Variants in ASCC3 observed in about 807,000 individuals in gnomAD.
ASCC3 encodes activating signal cointegrator 1 complex subunit 3.
In ASCC3, 158 loss-of-function variants were observed where a neutral mutation model predicts 256.3. The observed-to-expected ratio is 0.62, with a 90% CI of 0.54 to 0.70. ASCC3 has a LOEUF of 0.70. Ranked by LOEUF, ASCC3 falls within the 30% of genes least tolerant of loss-of-function variation. ASCC3 has a pLI of 0.00. For synonymous variants in ASCC3, 948 were observed against 883.4 expected (o/e 1.07, Z -1.30); for missense variants, 2,259 against 2,626.0 (o/e 0.86, Z 3.05).
intron 37 of ASCC3, among the ~76,000 whole-genome samples, chr6:100,523,082 A>G (rs1183143394): frequency 6.6e-6 from 1 of 150,892 alleles, no homozygotes; most frequent in Non-Finnish European, 1.5e-5. Flanking sequence ...AAGTATAATC[A>G]GTAGTATGAT....
intron 10 of ASCC3, among the ~76,000 whole-genome samples, chr6:100,762,108 C>G (rs1452399090): frequency 1.3e-5 from 2 of 152,142 alleles, no homozygotes; most frequent in African/African-American, 4.8e-5. Flanking sequence ...AAAGAAAATT[C>G]AGATTTGCCT....
chr6:100,548,965 T>A (rs2114680507), intron 36 of ASCC3, among the ~76,000 whole-genome samples: 1 of 152,020 alleles, frequency 6.6e-6, no homozygotes, highest in South Asian at 2.1e-4. Context: ...TGAACAACAA[T>A]AACTAATAAT....
At chr6:100,875,809 A>G (rs1251746789) in intron 1 of ASCC3, among the ~76,000 whole-genome samples, 4 of 152,180 alleles carry the variant, frequency 2.6e-5, no homozygotes, top group Non-Finnish European at 5.9e-5. Flanking sequence ...AAATGGTAGA[A>G]GCTAAATCTC....
At position 100,578,847 on chromosome 6, in the gene ASCC3, T is replaced by C. The variant is rs1045294728; in HGVS notation, c.5550+10787A>G. Among the ~76,000 whole-genome samples the C allele has an allele frequency of 5.9e-5, 9 of 152,140 alleles. No individual in the cohort carries two copies. The East Asian group carries it at 1.2e-3, about 19-fold the overall frequency. On this transcript the variant is annotated intron_variant, in intron 36 of 41. Coordinates refer to ENST00000369162, the MANE Select transcript of ASCC3 (RefSeq NM_006828.4). ...GTTCTTTGAGAAATCGACACACTGC[T>C]TTCCACAATGGCTGAACTAATTTAC...
intron 37 of ASCC3, among the ~76,000 whole-genome samples, chr6:100,527,834 T>G (rs993766057): frequency 2.6e-4 from 38 of 145,612 alleles, no homozygotes; most frequent in East Asian, 1.4e-3. Context: ...ATCTTCTTTG[T>G]TTTTTTTTTT....
chr6:100,820,730 GTATC>G (rs1770999626), intron 4 of ASCC3, among the ~76,000 whole-genome samples: 1 of 151,528 alleles, frequency 6.6e-6, no homozygotes, highest in Admixed American at 6.6e-5. Flanking sequence ...AAAAAATCAT[GTATC>G]TATCTGATAA....
intron 36 of ASCC3, among the ~76,000 whole-genome samples, chr6:100,580,716 A>G (rs928792016): frequency 4.0e-5 from 6 of 149,146 alleles, no homozygotes; most frequent in African/African-American, 9.8e-5. Flanking sequence ...ATATCTCCCA[A>G]TGCTATCCTT....
intron 25 of ASCC3, among the ~76,000 whole-genome samples, chr6:100,634,437 T>C (rs1582603838): frequency 6.6e-6 from 1 of 152,314 alleles, no homozygotes; most frequent in East Asian, 1.9e-4. Flanking sequence ...ACCATCAGGT[T>C]GCAGGCATCC....
At chr6:100,801,940 T>C (rs923779535) in intron 5 of ASCC3, among the ~76,000 whole-genome samples, 3 of 148,952 alleles carry the variant, frequency 2.0e-5, no homozygotes, top group Non-Finnish European at 3.0e-5. Context: ...AGCGTAAAAC[T>C]GTAAATATTT....
chr6:100,714,094 G>T (rs1399628956), intron 13 of ASCC3, among the ~76,000 whole-genome samples: 1 of 152,142 alleles, frequency 6.6e-6, no homozygotes, highest in Non-Finnish European at 1.5e-5. Flanking sequence ...TGTAAATAAA[G>T]TTTTATTGGA....
At chr6:100,840,677 T>C (rs1251804209) in intron 4 of ASCC3, among the ~76,000 whole-genome samples, 3 of 151,974 alleles carry the variant, frequency 2.0e-5, no homozygotes, top group African/African-American at 7.3e-5. Flanking sequence ...ATTGAAAATG[T>C]TAAGGAACAT....
intron 36 of ASCC3, among the ~76,000 whole-genome samples, chr6:100,573,350 G>T (rs1233112579): frequency 6.6e-6 from 1 of 152,108 alleles, no homozygotes; most frequent in Admixed American, 6.6e-5. Flanking sequence ...TATTCATGGA[G>T]GAAGGAGGTC....
chr6:100,811,043 T>C (rs1770440828), intron 4 of ASCC3, among the ~76,000 whole-genome samples: 1 of 152,100 alleles, frequency 6.6e-6, no homozygotes, highest in Non-Finnish European at 1.5e-5. Context: ...TTTTTGTCCA[T>C]GTTTACCCCC....
At chr6:100,859,937 G>C (rs1773141869) in intron 3 of ASCC3, among the ~76,000 whole-genome samples, 4 of 151,960 alleles carry the variant, frequency 2.6e-5, no homozygotes, top group Non-Finnish European at 5.9e-5. Context: ...CAAACATTCT[G>C]TTCTAGCTCT....
intron 36 of ASCC3, among the ~76,000 whole-genome samples, chr6:100,546,435 C>A (rs553795696): frequency 2.0e-5 from 3 of 152,038 alleles, no homozygotes; most frequent in Non-Finnish European, 4.4e-5. Flanking sequence ...GATAAAAAGA[C>A]CAACGTTGAA....
At chr6:100,609,374 C>T (rs970342424) in intron 30 of ASCC3, among the ~76,000 whole-genome samples, 3 of 152,092 alleles carry the variant, frequency 2.0e-5, no homozygotes, top group Admixed American at 6.5e-5. Context: ...TTAAATGCTA[C>T]ATTTAGTATA....
At chr6:100,573,790 T>G (rs1770718512) in intron 36 of ASCC3, among the ~76,000 whole-genome samples, 1 of 152,182 alleles carries the variant, frequency 6.6e-6, no homozygotes, top group African/African-American at 2.4e-5. Flanking sequence ...AATAAGATTC[T>G]CTGGAAAGTA....
Position 100,818,712 on chromosome 6 carries a change from T to C in ASCC3, c.802-12832A>G, listed in dbSNP as rs538293500. 3.9e-4 allele frequency among the ~76,000 whole-genome samples: 53 copies of C among 134,482 alleles called. 1 individual carries two copies. In the South Asian group the frequency reaches 9.0e-3, roughly 23 times the overall value. The allele number at this position is 134,482 out of a possible 152,430, so 88.2% of individuals were successfully genotyped here. ...CGCTCACCACTTCTATTCAACACTG[T>C]ACTGTAGGTTCTAGGCAGGGCAGTT... On this transcript the variant is annotated intron_variant, in intron 4 of 41. Coordinates refer to ENST00000369162, the MANE Select transcript of ASCC3 (RefSeq NM_006828.4).
intron 3 of ASCC3, chr6:100,857,165 G>A (rs1295480819): frequency 6.6e-6 from 1 of 152,084 alleles, no homozygotes; most frequent in African/African-American, 2.4e-5. Context: ...TACCAATGAA[G>A]CTGAAGCCCT....
Sources: gnomAD v4.1 joint callset for allele counts (sites outside exome capture counted in the v4.1 genomes callset) on GRCh38, gnomAD v4.1.1 for gene constraint, MANE v1.5 for transcripts, NCBI Gene and HGNC (gene_info 2026-07-23, HGNC 2026-07-21) for gene names.